The following TACR1 variants were observed in gnomAD, a reference collection of about 807,000 sequenced individuals.
The protein encoded by TACR1 is substance-P receptor.
TACR1 carries 25 observed loss-of-function variants against 35.8 expected under a neutral mutation model. That is an observed-to-expected ratio of 0.70 (90% CI 0.51 to 0.98). The LOEUF (loss-of-function observed/expected upper bound fraction) is 0.98. TACR1 is among the 50% of genes least tolerant of loss of function. TACR1 has a pLI of 0.00. For missense variants in TACR1, 478 were observed against 522.9 expected (o/e 0.91, Z 0.84); for synonymous variants, 195 against 206.7 (o/e 0.94, Z 0.48).
chr2:75,132,632 C>T (rs1340815814), intron 1 of TACR1, among the ~76,000 whole-genome samples: 2 of 152,170 alleles, frequency 1.3e-5, no homozygotes, highest in African/African-American at 2.4e-5. Flanking sequence ...TGACCTCTTC[C>T]ATTATCTGTT....
At chr2:75,104,803 A>C (rs564556390) in intron 2 of TACR1, among the ~76,000 whole-genome samples, 6 of 152,208 alleles carry the variant, frequency 3.9e-5, no homozygotes, top group Non-Finnish European at 5.9e-5. Flanking sequence ...AGCACTAATC[A>C]TCAGGGAAAT....
intron 3 of TACR1, 145 bp from the exon 4 acceptor site, chr2:75,051,592 A>G (rs1285940684): frequency 6.8e-7 from 1 of 1,473,240 alleles, no homozygotes; most frequent in African/African-American, 1.4e-5. Context: ...AGGAGAAAGG[A>G]TCTTTACTAT....
chr2:75,157,036 C>T (rs1341730001), intron 1 of TACR1, among the ~76,000 whole-genome samples: 4 of 152,140 alleles, frequency 2.6e-5, no homozygotes, highest in Non-Finnish European at 1.5e-5. Context: ...CCAAAGGACT[C>T]ATGTCTCCCA....
chr2:75,141,608 G>A (rs1184040954), intron 1 of TACR1, among the ~76,000 whole-genome samples: 1 of 151,964 alleles, frequency 6.6e-6, no homozygotes, highest in Non-Finnish European at 1.5e-5. Flanking sequence ...AAGGTACCAA[G>A]CTATGCCTTT....
intron 1 of TACR1, among the ~76,000 whole-genome samples, chr2:75,165,730 C>T (rs531754596): frequency 6.6e-6 from 1 of 152,190 alleles, no homozygotes; most frequent in South Asian, 2.1e-4. Flanking sequence ...AACGCTGGTA[C>T]TTATTATGGC....
In TACR1 at chr2:75,122,754, G is replaced by C. The variant is rs76037581; in HGVS notation, c.390-1986C>G. ...AATGCTGTCTGCAGGTCATCAAAAG[G>C]GCAAAAACAACTCTCAATATGTTAC... On this transcript the variant is annotated intron_variant, in intron 1 of 4. Coordinates refer to ENST00000305249, the MANE Select transcript of TACR1 (RefSeq NM_001058.4). 4.3e-3 allele frequency among the ~76,000 whole-genome samples: 648 copies of C among 152,244 alleles called. 8 individuals are homozygous for C. Among genetic ancestry groups the C allele is most frequent in the African/African-American group, 0.015 (618 of 41,540 alleles).
chr2:75,171,057 A>G (rs780770286), intron 1 of TACR1, among the ~76,000 whole-genome samples: 1 of 152,204 alleles, frequency 6.6e-6, no homozygotes, highest in Admixed American at 6.5e-5. Context: ...CTCCAGGACA[A>G]TGGGGAAAAT....
intron 1 of TACR1, among the ~76,000 whole-genome samples, chr2:75,161,204 C>A (rs139816917): frequency 0.014 from 2,152 of 151,962 alleles, 21 homozygotes; most frequent in Non-Finnish European, 0.022. Flanking sequence ...TAGGGATAAA[C>A]GGTTGAGAAG....
chr2:75,148,133 G>T (rs946418715), intron 1 of TACR1, among the ~76,000 whole-genome samples: 3 of 152,076 alleles, frequency 2.0e-5, no homozygotes, highest in African/African-American at 4.8e-5. Flanking sequence ...TGGGCATTTG[G>T]GTTGGTTCCA....
intron 2 of TACR1, among the ~76,000 whole-genome samples, chr2:75,104,964 G>C (rs886935690): frequency 8.6e-5 from 13 of 152,032 alleles, no homozygotes; most frequent in Admixed American, 3.9e-4. Context: ...AGCCATTGTG[G>C]AAAACCATAC....
At chr2:75,160,560 A>G (rs1674982426) in intron 1 of TACR1, among the ~76,000 whole-genome samples, 1 of 152,006 alleles carries the variant, frequency 6.6e-6, no homozygotes, top group Non-Finnish European at 1.5e-5. Flanking sequence ...GATGAGAAAC[A>G]ATTCTGAAAG....
At chr2:75,054,962 A>C (rs1208293057) in intron 2 of TACR1, among the ~76,000 whole-genome samples, 1 of 152,176 alleles carries the variant, frequency 6.6e-6, no homozygotes, top group Non-Finnish European at 1.5e-5. Context: ...CCCATTTTGT[A>C]GACGAGGAAA....
At chr2:75,106,736 T>A (rs182312591) in intron 2 of TACR1, among the ~76,000 whole-genome samples, 169 of 152,008 alleles carry the variant, frequency 1.1e-3, no homozygotes, top group Middle Eastern at 6.8e-3. Context: ...GGAATATTTT[T>A]AAAAAAACTT....
At chr2:75,191,367 A>G (rs2104083167) in intron 1 of TACR1, among the ~76,000 whole-genome samples, 2 of 152,202 alleles carry the variant, frequency 1.3e-5, no homozygotes, top group Middle Eastern at 3.4e-3. Context: ...GGGGGGTGTT[A>G]GAGAAAAATC....
intron 1 of TACR1, among the ~76,000 whole-genome samples, chr2:75,171,806 A>G (rs1236178336): frequency 2.6e-5 from 4 of 152,202 alleles, no homozygotes; most frequent in Non-Finnish European, 5.9e-5. Context: ...TTATTTACCC[A>G]ATGCCTTTAT....
At chr2:75,113,241 C>T (rs866104440) in intron 2 of TACR1, among the ~76,000 whole-genome samples, 1 of 152,182 alleles carries the variant, frequency 6.6e-6, no homozygotes, top group African/African-American at 2.4e-5. Context: ...TCTCTGGCCT[C>T]TGTGCTTTCT....
intron 2 of TACR1, among the ~76,000 whole-genome samples, chr2:75,069,354 A>G (rs1465626981): frequency 2.0e-5 from 3 of 151,540 alleles, no homozygotes; most frequent in African/African-American, 7.3e-5. Flanking sequence ...ATTTATTAAT[A>G]TAGTGAGTTT....
chr2:75,166,195 G>T (rs1675139065), intron 1 of TACR1, among the ~76,000 whole-genome samples: 1 of 152,064 alleles, frequency 6.6e-6, no homozygotes, highest in Admixed American at 6.5e-5. Context: ...TTAGTTTAGG[G>T]GAGAAAAACG....
intron 1 of TACR1, among the ~76,000 whole-genome samples, chr2:75,138,334 T>C (rs955793115): frequency 3.9e-5 from 6 of 152,224 alleles, no homozygotes; most frequent in Admixed American, 3.3e-4. Context: ...TACCATGAGA[T>C]AGTTCTACTT....
Sources: gnomAD v4.1 joint callset for allele counts (sites outside exome capture counted in the v4.1 genomes callset) on GRCh38, gnomAD v4.1.1 for gene constraint, MANE v1.5 for transcripts, NCBI Gene and HGNC (gene_info 2026-07-23, HGNC 2026-07-21) for gene names.